SPECC1L: variants seen among roughly 807,000 people sequenced by gnomAD.
SPECC1L encodes cytospin-A.
A neutral mutation model predicts 116.8 loss-of-function variants in SPECC1L; 40 were observed. The ratio of observed to expected loss-of-function variants is 0.34; its 90% CI spans 0.27 to 0.45. SPECC1L has a LOEUF of 0.45. Ranked by LOEUF, SPECC1L falls within the 20% of genes least tolerant of loss-of-function variation. SPECC1L has a pLI of 1.00. For synonymous variants in SPECC1L, 504 were observed against 500.6 expected, an observed-to-expected ratio of 1.01 and a Z score of -0.09; for missense variants, 1,110 against 1,373.6, an observed-to-expected ratio of 0.81 and a Z score of 3.03.
At chr22:24,307,216 T>C (rs888564991) in intron 3 of SPECC1L, among the ~76,000 whole-genome samples, 1 of 152,230 alleles carries the variant, frequency 6.6e-6, no homozygotes, top group Non-Finnish European at 1.5e-5. Context: ...TTTAATTCTT[T>C]AAGGAACTGC....
Position 24,273,537 on chromosome 22 carries a change from G to A in SPECC1L, c.-142+2554G>A, listed in dbSNP as rs142139248. 6.9e-4 allele frequency among the ~76,000 whole-genome samples: 105 copies of A among 152,228 alleles called. 1 individual carries two copies. In the East Asian group the frequency reaches 0.018, roughly 26 times the overall value. On this transcript the variant is annotated intron_variant, in intron 1 of 16. Coordinates refer to ENST00000314328, the MANE Select transcript of SPECC1L (RefSeq NM_015330.6). The stretch of plus-strand genomic sequence containing the variant: ...GTGATTTTTAAAAATAAAGAGAGCC[G>A]AGAATCTCTTGTTTTCCTGCTGCTG...
At chr22:24,412,799 G>C (rs2042725367) in intron 16 of SPECC1L, 92 bp downstream of exon 16, 1 of 1,416,236 alleles carries the variant, frequency 7.1e-7, no homozygotes, top group African/African-American at 1.4e-5. Context: ...GTGGGCATGG[G>C]GTAGTGTGGC....
intron 12 of SPECC1L, 53 bp downstream of exon 12, chr22:24,363,397 A>G: frequency 6.8e-7 from 1 of 1,465,468 alleles, no homozygotes; most frequent in Non-Finnish European, 9.6e-7. Context: ...TAGAGACAGG[A>G]TCTCACTATG....
chr22:24,296,394 T>C (rs1414149629), intron 2 of SPECC1L, among the ~76,000 whole-genome samples: 1 of 152,234 alleles, frequency 6.6e-6, no homozygotes, highest in Admixed American at 6.5e-5. Context: ...AAACACTGTT[T>C]GACAAATACA....
At chr22:24,309,461 C>T (rs905094408) in intron 3 of SPECC1L, among the ~76,000 whole-genome samples, 57 of 152,058 alleles carry the variant, frequency 3.7e-4, no homozygotes, top group African/African-American at 1.3e-3. Context: ...AGTACAGTGG[C>T]GAGATCTCGG....
At chr22:24,305,268 A>G (rs999937317) in intron 3 of SPECC1L, among the ~76,000 whole-genome samples, 4 of 152,206 alleles carry the variant, frequency 2.6e-5, no homozygotes, top group African/African-American at 7.2e-5. Context: ...TTCAGTCACC[A>G]CCTAGTTCAA....
chr22:24,318,194 A>G (rs2040640822), intron 4 of SPECC1L, among the ~76,000 whole-genome samples: 1 of 152,228 alleles, frequency 6.6e-6, no homozygotes, highest in African/African-American at 2.4e-5. Context: ...TGTTGTAGCA[A>G]GTCGAGATCA....
chr22:24,402,946 G>A (rs1006811446), intron 14 of SPECC1L, among the ~76,000 whole-genome samples: 2 of 152,026 alleles, frequency 1.3e-5, no homozygotes, highest in African/African-American at 4.8e-5. Context: ...CCCACCCTAA[G>A]GCCACAGACA....
chr22:24,386,546 TGA>T (rs1043485770), intron 14 of SPECC1L, among the ~76,000 whole-genome samples: 5 of 152,060 alleles, frequency 3.3e-5, no homozygotes, highest in African/African-American at 1.2e-4. Flanking sequence ...ATGTAAAATA[TGA>T]GAGTTAATAG....
chr22:24,401,872 G>A (rs555466866), intron 14 of SPECC1L, among the ~76,000 whole-genome samples: 2 of 152,252 alleles, frequency 1.3e-5, no homozygotes, highest in East Asian at 3.9e-4. Flanking sequence ...AGGAAAACCC[G>A]AAAAATCTTT....
At chr22:24,320,011 C>T (rs948301099) in intron 4 of SPECC1L, among the ~76,000 whole-genome samples, 10 of 152,344 alleles carry the variant, frequency 6.6e-5, no homozygotes, top group Non-Finnish European at 1.0e-4. Context: ...CAGTGGCTCA[C>T]GCCTGTAATC....
chr22:24,295,320 A>T (rs2049238063), intron 2 of SPECC1L, among the ~76,000 whole-genome samples: 1 of 150,528 alleles, frequency 6.6e-6, no homozygotes, highest in Admixed American at 6.6e-5. Flanking sequence ...TTTTAAAATA[A>T]TTTCAATAAT....
At chr22:24,338,127 A>G (rs959698736) in intron 9 of SPECC1L, among the ~76,000 whole-genome samples, 1 of 152,246 alleles carries the variant, frequency 6.6e-6, no homozygotes, top group African/African-American at 2.4e-5. Context: ...ATTAAATAAC[A>G]AAAACGAAAT....
chr22:24,284,114 C>T (rs1264179834), intron 2 of SPECC1L, among the ~76,000 whole-genome samples: 1 of 151,996 alleles, frequency 6.6e-6, no homozygotes, highest in Non-Finnish European at 1.5e-5. Context: ...TTTTCTTCTC[C>T]ATACTTTGTG....
chr22:24,375,970 CAAAA>C (rs565959001), intron 14 of SPECC1L, among the ~76,000 whole-genome samples: 3 of 150,378 alleles, frequency 2.0e-5, no homozygotes, highest in Non-Finnish European at 3.0e-5. Context: ...AACAAACAAA[CAAAA>C]AAAACAAAAA....
chr22:24,349,698 C>T (rs1336268433), intron 11 of SPECC1L, among the ~76,000 whole-genome samples: 2 of 152,170 alleles, frequency 1.3e-5, no homozygotes, highest in East Asian at 1.9e-4. Context: ...CCTTAACTCC[C>T]GTCTTCATCT....
intron 9 of SPECC1L, among the ~76,000 whole-genome samples, chr22:24,338,158 G>A (rs2041100745): frequency 6.6e-6 from 1 of 152,174 alleles, no homozygotes; most frequent in Non-Finnish European, 1.5e-5. Context: ...ACAAGGGTTA[G>A]AAATAAGCAT....
chr22:24,287,347 T>C (rs1270607149), intron 2 of SPECC1L, among the ~76,000 whole-genome samples: 4 of 152,086 alleles, frequency 2.6e-5, no homozygotes, highest in Admixed American at 6.6e-5. Flanking sequence ...CCTGGTGGGA[T>C]GTGTGCTTTA....
chr22:24,273,334 A>G (rs2048766665), intron 1 of SPECC1L, among the ~76,000 whole-genome samples: 1 of 152,234 alleles, frequency 6.6e-6, no homozygotes, highest in Non-Finnish European at 1.5e-5. Context: ...AGAAATAAGA[A>G]AAAAAGGACA....
Sources: allele counts gnomAD v4.1 joint callset (sites outside exome capture counted in the v4.1 genomes callset), GRCh38; gene constraint gnomAD v4.1.1; transcripts MANE v1.5; gene names NCBI Gene and HGNC (gene_info 2026-07-23, HGNC 2026-07-21).